Variants in POLQ observed in about 807,000 individuals in gnomAD.
The protein encoded by POLQ is DNA polymerase theta.
Under a neutral mutation model 259.2 loss-of-function variants are expected in POLQ, and 233 were observed. The ratio of observed to expected loss-of-function variants is 0.90; its 90% confidence interval spans 0.81 to 1.00. POLQ has a LOEUF of 1.00. Among genes scored for constraint, POLQ ranks in the 50% least tolerant of loss-of-function variants. The probability of loss-of-function intolerance (pLI) is 0.00; values close to 1 mark genes in which losing one functional copy is unlikely to be tolerated. For synonymous variants in POLQ, 1,025 were observed against 1,048.8 expected (o/e 0.98, Z 0.44); for missense variants, 2,871 against 3,051.6 (o/e 0.94, Z 1.39).
chr3:121,487,349 C>T lies in POLQ; in HGVS notation c.5582G>A (p.Ser1861Asn), dbSNP rs1242708959. 2 of 1,612,728 alleles carry T rather than the reference C, an allele frequency of 1.2e-6. No individual in the cohort carries two copies. The change falls in exon 16 of 30, where the codon AGT becomes AAT. Residue 1861 changes from serine to asparagine, a missense_variant. By Grantham distance (46) the Ser-to-Asn change is conservative. This residue lies in a region of POLQ where 2,080 missense variants were observed against 2,126.0 expected (regional missense o/e 0.98). Transcript: ENST00000264233. ...AGTAGCAGTTTTAGAAGATGTCAAA[C>T]TTCTAATCTTTTCACAAGCCAGTGA... ...SISLACEKIRSLTSSKTATIG... is the reference protein window; with the variant it reads ...SISLACEKIRNLTSSKTATIG...
At chr3:121,498,449 C>T (rs774097608) in intron 13 of POLQ, 28 bp downstream of exon 13, 21 of 1,555,504 alleles carry the variant, frequency 1.4e-5, no homozygotes, top group African/African-American at 9.5e-5. Flanking sequence ...TGTTAAATAC[C>T]GGAGAGCCCA....
Position 121,464,471 on chromosome 3 carries a change from T to C in POLQ, c.6967+3048A>G, listed in dbSNP as rs888206816. On this transcript the variant is annotated intron_variant, in intron 24 of 29. Transcript: ENST00000264233. ...GTTTAATTACAATCAACATGTTATA[T>C]AAACTGAAAATATTAAAAATTTTTA... 2.0e-5 allele frequency among the ~76,000 whole-genome samples: 3 copies of C among 152,188 alleles called. No homozygotes were observed. In the East Asian group the frequency reaches 5.8e-4, roughly 29 times the overall value.
chr3:121,444,475 C>T (rs1484437871), intron 26 of POLQ, among the ~76,000 whole-genome samples: 1 of 152,082 alleles, frequency 6.6e-6, no homozygotes, highest in East Asian at 1.9e-4. Context: ...ATTTGTTTAT[C>T]AGTTCTAATA....
At chr3:121,498,062 G>A (rs1289393251) in intron 13 of POLQ, among the ~76,000 whole-genome samples, 2 of 152,014 alleles carry the variant, frequency 1.3e-5, no homozygotes, top group Non-Finnish European at 2.9e-5. Flanking sequence ...TGTAATCCCA[G>A]CACTTTGGGA....
chr3:121,540,920 C>G (rs940255861), intron 3 of POLQ, among the ~76,000 whole-genome samples: 1 of 145,182 alleles, frequency 6.9e-6, no homozygotes, highest in South Asian at 2.1e-4. Context: ...GAGACAGAGT[C>G]TTACTCTGTT....
chr3:121,496,671 G>T, intron 14 of POLQ, 137 bp downstream of exon 14: 1 of 838,676 alleles, frequency 1.2e-6, no homozygotes, highest in Non-Finnish European at 1.8e-6. Flanking sequence ...TGAATTTTCT[G>T]ATGATGACAA....
chr3:121,487,200 G>T, intron 16 of POLQ, 102 bp downstream of exon 16: 1 of 663,436 alleles, frequency 1.5e-6, no homozygotes, highest in Non-Finnish European at 2.5e-6. Context: ...ACTACAACTT[G>T]AATAGATTAT....
intron 20 of POLQ, among the ~76,000 whole-genome samples, chr3:121,474,039 G>A (rs1290646628): frequency 1.3e-5 from 2 of 152,160 alleles, no homozygotes; most frequent in African/African-American, 4.8e-5. Flanking sequence ...CTTTTAAGCA[G>A]TCAGGAACAC....
intron 17 of POLQ, among the ~76,000 whole-genome samples, chr3:121,484,578 A>G (rs2047995272): frequency 6.6e-6 from 1 of 152,182 alleles, no homozygotes; most frequent in Non-Finnish European, 1.5e-5. Flanking sequence ...AATATATGCA[A>G]TAATGTACAT....
intron 24 of POLQ, 70 bp from the exon 25 acceptor site, chr3:121,460,304 T>C (rs2108784259): frequency 8.5e-7 from 1 of 1,183,342 alleles, no homozygotes; most frequent in Non-Finnish European, 1.2e-6. Flanking sequence ...TTCTATATCA[T>C]ATAATTGAGC....
At chr3:121,473,521 G>A in intron 20 of POLQ, 34 bp from the exon 21 acceptor site, 1 of 1,568,306 alleles carries the variant, frequency 6.4e-7, no homozygotes, top group Non-Finnish European at 8.7e-7. Context: ...AGTCAAGAAT[G>A]AAACTTGCAA....
chr3:121,457,402 C>A lies in POLQ; in HGVS notation c.7152+2648G>T, dbSNP rs1278355100. On this transcript the variant is annotated intron_variant, in intron 25 of 29. Coordinates refer to ENST00000264233, the MANE Select transcript of POLQ (RefSeq NM_199420.4). ...GACAAATGGGATCTAATTAAACTAACGAGCTTCTGCACAGCAAAAGAAGCT... is the reference window on the plus strand; with the variant it reads ...GACAAATGGGATCTAATTAAACTAAAGAGCTTCTGCACAGCAAAAGAAGCT... Among the ~76,000 whole-genome samples, 50 of 152,216 alleles carry A rather than the reference C, an allele frequency of 3.3e-4. No homozygotes were observed. The South Asian group carries it at 5.2e-3, about 16-fold the overall frequency.
intron 19 of POLQ, among the ~76,000 whole-genome samples, chr3:121,479,362 A>ATGTG (rs71133538): frequency 0.027 from 3,797 of 142,572 alleles, 141 homozygotes; most frequent in African/African-American, 0.083. Context: ...AAAAAAAAAA[A>ATGTG]TGTGTGTGTG....
rs2048531288 is a variant in POLQ at position 121,545,932 on chromosome 3, C to G, written c.-55G>C. Reference sequence around the variant, plus strand: ...GCCACAGTCCCAGCGTCCTCCCTCTCGGGAGAACCCTGGCCTGGCAACAGC... The same window carrying G: ...GCCACAGTCCCAGCGTCCTCCCTCTGGGGAGAACCCTGGCCTGGCAACAGC... On this transcript the variant is annotated 5_prime_UTR_variant, in exon 1 of 30. Coordinates refer to ENST00000264233, the MANE Select transcript of POLQ (RefSeq NM_199420.4). The G allele has an allele frequency of 3.8e-6, 6 of 1,596,722 alleles. No homozygotes were observed. The highest frequency in any genetic ancestry group is 5.1e-6 in the Non-Finnish European group (6 of 1,169,120).
At position 121,488,775 on chromosome 3, in the gene POLQ, T is replaced by C; in HGVS notation, c.4156A>G (p.Lys1386Glu). The change falls in exon 16 of 30, where the codon AAG becomes GAG. Residue 1386 changes from lysine (K) to glutamate (E), a missense_variant. By Grantham distance (56) the Lys-to-Glu change is moderately conservative (BLOSUM62 1). This residue lies in a region of POLQ where 2,080 missense variants were observed against 2,126.0 expected (regional missense o/e 0.98). Coordinates refer to ENST00000264233, the MANE Select transcript of POLQ (RefSeq NM_199420.4). Reference protein sequence around the residue: ...PAEQHPLGATKIDHLDLKTVG... With the variant: ...PAEQHPLGATEIDHLDLKTVG... ...GTCTTAAGGTCCAAATGATCTATCTTAGTCGCTCCTAGAGGGTGCTGTTCA... is the reference window on the plus strand; with the variant it reads ...GTCTTAAGGTCCAAATGATCTATCTCAGTCGCTCCTAGAGGGTGCTGTTCA... The C allele has an allele frequency of 6.2e-7, 1 of 1,614,000 alleles. No homozygotes were observed. The highest frequency in any genetic ancestry group is 8.5e-7 in the Non-Finnish European group (1 of 1,179,940).
At chr3:121,449,024 C>T (rs943458165) in intron 26 of POLQ, among the ~76,000 whole-genome samples, 1 of 152,168 alleles carries the variant, frequency 6.6e-6, no homozygotes, top group Non-Finnish European at 1.5e-5. Context: ...CAAACTACAG[C>T]TATCTAAACC....
At chr3:121,442,112 A>G (rs1433623139) in intron 26 of POLQ, among the ~76,000 whole-genome samples, 2 of 152,126 alleles carry the variant, frequency 1.3e-5, no homozygotes, top group African/African-American at 4.8e-5. Flanking sequence ...ACTACTGCAA[A>G]TATTTCTTCC....
chr3:121,483,566 C>G lies in POLQ; in HGVS notation c.5790G>C (p.Leu1930Phe). ...EQKHSEISAS[L>F]VPPSLDPSLT... The stretch of plus-strand genomic sequence containing the variant: ...GGCTTGGATCTAAAGAAGGTGGAAC[C>G]AAACTGGCACTAATTTCTTTAAAAA... The change falls in exon 18 of 30, where the codon TTG becomes TTC. Residue 1930 changes from leucine (L) to phenylalanine (F), a missense_variant. This residue lies in a region of POLQ where 2,080 missense variants were observed against 2,126.0 expected (regional missense o/e 0.98). Coordinates refer to ENST00000264233, the MANE Select transcript of POLQ (RefSeq NM_199420.4). 6.7e-7 allele frequency: 1 copy of G among 1,485,122 alleles called. No individual in the cohort carries two copies. Among genetic ancestry groups the G allele is most frequent in the South Asian group, 1.4e-5 (1 of 70,298 alleles). The allele number at this position is 1,485,122 out of a possible 1,614,324, so 92.0% of individuals were successfully genotyped here. A position where few individuals can be genotyped will look rare whatever the true frequency, so the allele number is the denominator to read the frequency against.
At chr3:121,531,811 C>T (rs1227055667) in intron 6 of POLQ, among the ~76,000 whole-genome samples, 2 of 152,102 alleles carry the variant, frequency 1.3e-5, no homozygotes, top group Non-Finnish European at 2.9e-5. Context: ...TTGAAGTAAC[C>T]AAGGCATAGC....
Sources: allele counts gnomAD v4.1 joint callset (sites outside exome capture counted in the v4.1 genomes callset), GRCh38; gene constraint gnomAD v4.1.1; regional missense constraint gnomAD v4.1.1; transcripts MANE v1.5; gene names NCBI Gene and HGNC (gene_info 2026-07-23, HGNC 2026-07-21).